ATP11C: variants seen among roughly 807,000 people sequenced by gnomAD.
ATP11C encodes the protein phospholipid-transporting ATPase IG.
ATP11C carries 36 observed loss-of-function variants against 97.4 expected under a neutral mutation model. The observed-to-expected ratio is 0.37, with a 90% CI of 0.28 to 0.49. The LOEUF is 0.49. ATP11C is among the 20% of genes least tolerant of loss of function. The pLI is 0.98. For synonymous variants in ATP11C, 275 were observed against 290.9 expected, an observed-to-expected ratio of 0.95 and a Z score of 0.56; for missense variants, 730 against 824.6, an observed-to-expected ratio of 0.89 and a Z score of 1.40.
intron 1 of ATP11C, among the ~76,000 whole-genome samples, chrX:139,927,166 T>G (rs1016839134): frequency 8.9e-6 from 1 of 112,069 alleles, no homozygotes; most frequent in East Asian, 2.8e-4. Context: ...GTAATGATAA[T>G]TACAGCTCAG....
At chrX:139,852,909 C>CT (rs1373900571) in intron 1 of ATP11C, among the ~76,000 whole-genome samples, 1 of 111,357 alleles carries the variant, frequency 9.0e-6, no homozygotes, top group Non-Finnish European at 1.9e-5. Flanking sequence ...AAAATACTCC[C>CT]TGGTTTGAGG....
chrX:139,905,708 G>A (rs778279239), intron 1 of ATP11C, among the ~76,000 whole-genome samples: 2 of 110,984 alleles, frequency 1.8e-5, no homozygotes, highest in African/African-American at 3.3e-5. Flanking sequence ...AAGTACTTAC[G>A]TATTTTATGT....
At chrX:139,927,558 C>T (rs775198244) in intron 1 of ATP11C, among the ~76,000 whole-genome samples, 26 of 110,526 alleles carry the variant, frequency 2.4e-4, no homozygotes, top group Non-Finnish European at 4.5e-4. Context: ...GAGCCAAGAT[C>T]GTGCCATTGC....
At chrX:139,924,991 A>T (rs1439370791) in intron 1 of ATP11C, among the ~76,000 whole-genome samples, 1 of 111,890 alleles carries the variant, frequency 8.9e-6, no homozygotes, top group Non-Finnish European at 1.9e-5. Flanking sequence ...GACCTCTGTC[A>T]CAATTGGTAT....
At chrX:139,826,889 A>T in intron 1 of ATP11C, 66 bp from the exon 2 acceptor site, 5 of 1,103,115 alleles carry the variant, frequency 4.5e-6, no homozygotes, top group Non-Finnish European at 1.2e-6. Context: ...TACCAAGCCC[A>T]TAATTCTTGT....
At chrX:139,888,553 C>T (rs1457374424) in intron 1 of ATP11C, among the ~76,000 whole-genome samples, 2 of 111,471 alleles carry the variant, frequency 1.8e-5, no homozygotes, top group Non-Finnish European at 3.8e-5. Flanking sequence ...TATTCACCTA[C>T]CAGAATGGCT....
chrX:139,782,463 C>T, intron 18 of ATP11C, 84 bp downstream of exon 18: 1 of 639,564 alleles, frequency 1.6e-6, no homozygotes, highest in East Asian at 3.5e-5. Context: ...AGATTTCAAA[C>T]TTCGAGATTA....
intron 4 of ATP11C, among the ~76,000 whole-genome samples, chrX:139,815,236 A>G (rs2083261468): frequency 8.9e-6 from 1 of 112,306 alleles, no homozygotes; most frequent in Non-Finnish European, 1.9e-5. Context: ...TGAAAACACA[A>G]GCACTGGAGA....
intron 25 of ATP11C, among the ~76,000 whole-genome samples, chrX:139,744,227 T>C (rs2081632119): frequency 9.1e-6 from 1 of 110,457 alleles, no homozygotes; most frequent in African/African-American, 3.3e-5. Flanking sequence ...GAAAATGAGA[T>C]GTAAAAGGTT....
chrX:139,732,976 A>C (rs1411715960), intron 28 of ATP11C, among the ~76,000 whole-genome samples: 1 of 111,545 alleles, frequency 9.0e-6, no homozygotes, highest in Non-Finnish European at 1.9e-5. Flanking sequence ...GTACAGATAC[A>C]CTATGAAGGG....
rs772023880 is a variant in ATP11C, at chrX:139,778,294, T to C, written c.1953-3341A>G. On this transcript the variant is annotated intron_variant, in intron 18 of 29. Coordinates refer to ENST00000682941, the MANE Select transcript of ATP11C (RefSeq NM_001353812.2). ...ATCTGTCACCACCAAACCTATCCTA[T>C]AAGAAATGCTTAAAGGAGCTCTAAA... Among the ~76,000 whole-genome samples, 3 of 111,834 alleles carry C rather than the reference T, an allele frequency of 2.7e-5. No homozygotes were observed. In the South Asian group the frequency reaches 1.1e-3, roughly 42 times the overall value.
Position 139,783,249 on chromosome X carries a change from C to A in ATP11C, c.1685G>T (p.Cys562Phe). ...AAAAACTGCCGAGTCTGCTCCTTTA[C>A]AAAAGAGAAGTATGTCTCCTAAAAT... is the stretch of plus-strand genomic sequence containing the variant. Reference protein sequence around the residue: ...KTQEGDILLFCKGADSAVFPR... With the variant: ...KTQEGDILLFFKGADSAVFPR... The change falls in exon 17 of 30, where the codon TGT becomes TTT. Residue 562 changes from cysteine (C) to phenylalanine (F), a missense_variant. Transcript: ENST00000682941. 1 of 1,198,352 alleles carries A rather than the reference C, an allele frequency of 8.3e-7. No homozygotes were observed. The highest frequency in any genetic ancestry group is 1.1e-6 in the Non-Finnish European group (1 of 884,621).
chrX:139,809,029 C>T (rs2083107668), intron 5 of ATP11C, among the ~76,000 whole-genome samples: 1 of 109,833 alleles, frequency 9.1e-6, no homozygotes, highest in East Asian at 2.9e-4. Context: ...AGAAGAATCA[C>T]TTGAACTCAG....
At chrX:139,788,084 T>C (rs909341482) in intron 14 of ATP11C, 108 bp downstream of exon 14, 26 of 698,454 alleles carry the variant, frequency 3.7e-5, no homozygotes, top group Non-Finnish European at 5.1e-5. Flanking sequence ...TATTAAATAA[T>C]AGGAGATGTA....
rs371692295 is a variant in ATP11C, at chrX:139,774,765, C to T, written c.2141G>A (p.Arg714Gln). 1.3e-5 allele frequency: 16 copies of T among 1,209,271 alleles called. No individual in the cohort carries two copies. In the African/African-American group the frequency reaches 1.9e-4, roughly 15 times the overall value. ...ATATTCTATCAATAATTCATGTAATCGATCTTCTTTCCTTTCACTTTCTTC... is the reference window on the plus strand; with the variant it reads ...ATATTCTATCAATAATTCATGTAATTGATCTTCTTTCCTTTCACTTTCTTC... Reference protein sequence around the residue: ...TIEESERKEDRLHELLIEYRK... With the variant: ...TIEESERKEDQLHELLIEYRK... The change falls in exon 19 of 30, where the codon CGA (arginine) becomes CAA (glutamine). Residue 714 changes from arginine (R) to glutamine (Q), a missense_variant. Coordinates refer to ENST00000682941, the MANE Select transcript of ATP11C (RefSeq NM_001353812.2).
intron 1 of ATP11C, among the ~76,000 whole-genome samples, chrX:139,876,974 CA>C (rs1486597671): frequency 8.9e-5 from 10 of 112,543 alleles, no homozygotes; most frequent in African/African-American, 2.9e-4. Flanking sequence ...GCACAGGGCT[CA>C]ACCAAAGAGA....
intron 18 of ATP11C, among the ~76,000 whole-genome samples, chrX:139,779,818 A>C (rs2082416232): frequency 8.9e-6 from 1 of 111,871 alleles, no homozygotes; most frequent in African/African-American, 3.2e-5. Context: ...CCAGTAGCTA[A>C]ATTAACAAAG....
chrX:139,906,456 T>C (rs1414580847), intron 1 of ATP11C, among the ~76,000 whole-genome samples: 1 of 105,298 alleles, frequency 9.5e-6, no homozygotes, highest in African/African-American at 3.5e-5. Context: ...AAAAATCAGA[T>C]ACCTCAGTCC....
intron 1 of ATP11C, among the ~76,000 whole-genome samples, chrX:139,897,665 T>C (rs2084832079): frequency 9.7e-6 from 1 of 103,127 alleles, no homozygotes; most frequent in Non-Finnish European, 2.0e-5. Flanking sequence ...AGTAAGACTC[T>C]GTCTCAAAAA....
Sources: gnomAD v4.1 joint callset for allele counts (sites outside exome capture counted in the v4.1 genomes callset) on GRCh38, gnomAD v4.1.1 for gene constraint, MANE v1.5 for transcripts, NCBI Gene and HGNC (gene_info 2026-07-23, HGNC 2026-07-21) for gene names.